The following DRC8 variants were observed in gnomAD, a reference collection of about 807,000 sequenced individuals.
DRC8 encodes dynein regulatory complex subunit 8.
chr1:245,030,244 C>T, the DRC8 span, among the ~76,000 whole-genome samples: 9 of 152,126 alleles, frequency 5.9e-5, no homozygotes, highest in Admixed American at 2.0e-4. Flanking sequence ...TGTTTGGAAA[C>T]GGGGCTCCTT....
At chr1:245,010,818 A>T in the DRC8 span, among the ~76,000 whole-genome samples, 21 of 151,078 alleles carry the variant, frequency 1.4e-4, no homozygotes, top group Non-Finnish European at 2.8e-4. Context: ...AGTAGCTGGG[A>T]CTACAGGCAC....
chr1:245,013,550 AT>A, the DRC8 span, among the ~76,000 whole-genome samples: 2 of 149,000 alleles, frequency 1.3e-5, no homozygotes, highest in Non-Finnish European at 3.0e-5. Flanking sequence ...TTGATTATTG[AT>A]TATAATAATG....
chr1:245,025,640 G>T, the DRC8 span, among the ~76,000 whole-genome samples: 1 of 152,102 alleles, frequency 6.6e-6, no homozygotes, highest in African/African-American at 2.4e-5. Flanking sequence ...TGCCTTTACA[G>T]TGCGACCTTA....
At chr1:244,978,114 A>G in the DRC8 span, among the ~76,000 whole-genome samples, 2 of 152,362 alleles carry the variant, frequency 1.3e-5, no homozygotes, top group East Asian at 1.9e-4. Context: ...CCTGTACTTG[A>G]CAATCCTTTG....
At chr1:245,075,072 T>C in the DRC8 span, among the ~76,000 whole-genome samples, 1 of 152,248 alleles carries the variant, frequency 6.6e-6, no homozygotes, top group Non-Finnish European at 1.5e-5. Context: ...TTCAGTTTAT[T>C]GACTGATTGT....
At chr1:245,048,772 T>C in the DRC8 span, among the ~76,000 whole-genome samples, 2 of 152,166 alleles carry the variant, frequency 1.3e-5, no homozygotes, top group Non-Finnish European at 2.9e-5. Context: ...TATTTGAGAG[T>C]AAACTGTAAA....
At chr1:244,970,070 A>C in the DRC8 span, 1 of 650,564 alleles carries the variant, frequency 1.5e-6, no homozygotes, top group Admixed American at 3.0e-5. Flanking sequence ...GCTGTCCCCA[A>C]ATGGATGAGA....
chr1:245,100,938 G>A, the DRC8 span, among the ~76,000 whole-genome samples: 29 of 152,250 alleles, frequency 1.9e-4, no homozygotes, highest in African/African-American at 6.5e-4. Context: ...AGGCTGGAGT[G>A]CAATGGCGCA....
the DRC8 span, among the ~76,000 whole-genome samples, chr1:244,995,218 G>A: frequency 1.3e-5 from 2 of 152,078 alleles, no homozygotes; most frequent in East Asian, 1.9e-4. Context: ...AAAATTAGCC[G>A]GGCGTGGTGG....
the DRC8 span, among the ~76,000 whole-genome samples, chr1:245,005,845 A>T: frequency 1.3e-5 from 2 of 152,178 alleles, no homozygotes; most frequent in African/African-American, 2.4e-5. Context: ...AAGGTCAGTT[A>T]CTCTTAAACG....
the DRC8 span, among the ~76,000 whole-genome samples, chr1:244,989,144 G>T: frequency 6.6e-6 from 1 of 152,066 alleles, no homozygotes; most frequent in African/African-American, 2.4e-5. Flanking sequence ...GTCCAGGCTG[G>T]TCTTGAATTC....
chr1:244,981,145 T>C, the DRC8 span, among the ~76,000 whole-genome samples: 1 of 151,822 alleles, frequency 6.6e-6, no homozygotes, highest in Admixed American at 6.6e-5. Context: ...GATCACGCCA[T>C]TGCACTCCAG....
chr1:245,003,423 CA>C, the DRC8 span, among the ~76,000 whole-genome samples: 1,975 of 152,284 alleles, frequency 0.013, 26 homozygotes, highest in Non-Finnish European at 0.021. Context: ...GAGACTTGGG[CA>C]CAGAGAGGTT....
At chr1:245,104,826 C>T in the DRC8 span, among the ~76,000 whole-genome samples, 2 of 152,234 alleles carry the variant, frequency 1.3e-5, no homozygotes, top group Non-Finnish European at 2.9e-5. Flanking sequence ...GCAATACTTT[C>T]AAATTTCCGC....
chr1:244,970,369 C>T, the DRC8 span: 1 of 1,531,620 alleles, frequency 6.5e-7, no homozygotes, highest in South Asian at 1.2e-5. Context: ...CGGGACACCG[C>T]GGCCGAGGTT....
the DRC8 span, chr1:245,023,061 A>G: frequency 6.6e-6 from 1 of 152,226 alleles, no homozygotes; most frequent in Non-Finnish European, 1.5e-5. Flanking sequence ...CGCTACAGAG[A>G]TTAGCATGGC....
the DRC8 span, among the ~76,000 whole-genome samples, chr1:245,068,256 C>T: frequency 1.2e-4 from 19 of 152,094 alleles, no homozygotes; most frequent in African/African-American, 4.6e-4. Flanking sequence ...CTAATAAATA[C>T]GGTTTTATTC....
the DRC8 span, among the ~76,000 whole-genome samples, chr1:245,040,816 T>G: frequency 6.6e-6 from 1 of 152,160 alleles, no homozygotes; most frequent in Non-Finnish European, 1.5e-5. Context: ...CAACAAATAT[T>G]TGATTTCTTA....
At chr1:245,081,334 TG>T in the DRC8 span, among the ~76,000 whole-genome samples, 1 of 151,686 alleles carries the variant, frequency 6.6e-6, no homozygotes, top group African/African-American at 2.4e-5. Flanking sequence ...GCTAATTTTT[TG>T]TAGTTTTAGT....
Sources: gnomAD v4.1 joint callset for allele counts (sites outside exome capture counted in the v4.1 genomes callset) on GRCh38, gnomAD v4.1.1 for gene constraint, MANE v1.5 for transcripts, NCBI Gene and HGNC (gene_info 2026-07-23, HGNC 2026-07-21) for gene names.